Variants in MSI2 observed in about 807,000 individuals in gnomAD.
MSI2 encodes RNA-binding protein Musashi homolog 2.
Under a neutral mutation model 45.6 loss-of-function variants are expected in MSI2, and 17 were observed. The observed-to-expected ratio is 0.37, with a 90% CI of 0.26 to 0.56. The LOEUF is 0.56. Ranked by LOEUF, MSI2 falls within the 20% of genes least tolerant of loss-of-function variation. The probability of loss-of-function intolerance (pLI) is 0.77; values close to 1 mark genes in which losing one functional copy is unlikely to be tolerated. For synonymous variants in MSI2, 156 were observed against 158.2 expected (o/e 0.99, Z 0.11); for missense variants, 293 against 444.2 (o/e 0.66, Z 3.06).
At chr17:57,615,263 G>A (rs1907574651) in intron 8 of MSI2, among the ~76,000 whole-genome samples, 1 of 151,878 alleles carries the variant, frequency 6.6e-6, no homozygotes. Context: ...AGGTAGCTGG[G>A]ACTACAGGTG....
At chr17:57,553,502 C>G (rs1348689300) in intron 7 of MSI2, among the ~76,000 whole-genome samples, 1 of 152,216 alleles carries the variant, frequency 6.6e-6, no homozygotes, top group African/African-American at 2.4e-5. Context: ...TGCTTTCCCA[C>G]TTCTGCCCTG....
intron 5 of MSI2, among the ~76,000 whole-genome samples, chr17:57,379,739 C>A (rs2083566325): frequency 6.6e-6 from 1 of 152,086 alleles, no homozygotes; most frequent in African/African-American, 2.4e-5. Context: ...GGAGTGGCCC[C>A]TCGCCCTCTT....
At chr17:57,352,226 G>A (rs1290430274) in intron 5 of MSI2, among the ~76,000 whole-genome samples, 1 of 152,200 alleles carries the variant, frequency 6.6e-6, no homozygotes, top group Non-Finnish European at 1.5e-5. Flanking sequence ...CTTCTTTAGT[G>A]GTCTACTCTG....
intron 6 of MSI2, among the ~76,000 whole-genome samples, chr17:57,494,181 G>C (rs1325188751): frequency 6.6e-6 from 1 of 152,178 alleles, no homozygotes; most frequent in Non-Finnish European, 1.5e-5. Context: ...AATTCTTCTT[G>C]TTGGAGAATT....
In MSI2 at chr17:57,583,488, C is replaced by CTTTTTTTTTTTTTTTTTTTTTTTTTTT. The variant is rs5821192; in HGVS notation, c.455-13361_455-13360insTTTTTTTTTTTTTTTTTTTTTTTTTTT. Among the ~76,000 whole-genome samples, 23 of 98,018 alleles carry CTTTTTTTTTTTTTTTTTTTTTTTTTTT rather than the reference C, an allele frequency of 2.3e-4. 1 individual carries two copies. The highest frequency in any genetic ancestry group is 1.1e-3 in the East Asian group (3 of 2,836). 64.3% of individuals were successfully genotyped at this position (98,018 alleles called of 152,430 possible). ...TACTTTTTTCCTTCTCCCAATGTTT[C>CTTTTTTTTTTTTTTTTTTTTTTTTTTT]TTTTTTTTTTTTTTTTTTTGAGACA... On this transcript the variant is annotated intron_variant, in intron 7 of 13. Coordinates refer to ENST00000284073, the MANE Select transcript of MSI2 (RefSeq NM_138962.4).
chr17:57,623,968 G>A (rs1410042145), intron 9 of MSI2, among the ~76,000 whole-genome samples: 4 of 152,242 alleles, frequency 2.6e-5, no homozygotes, highest in African/African-American at 9.6e-5. Flanking sequence ...GGCAGATGCC[G>A]AATTCTCATC....
At position 57,502,474 on chromosome 17, in the gene MSI2, A is replaced by G. The variant is rs75127552; in HGVS notation, c.406-27202A>G. On this transcript the variant is annotated intron_variant, in intron 6 of 13. Coordinates refer to ENST00000284073, the MANE Select transcript of MSI2 (RefSeq NM_138962.4). ...CTTTGAAGGTGTAATGTGTGAATTG[A>G]ACTAGATAACTTTGTGAAATGGCCG... is the stretch of plus-strand genomic sequence containing the variant. Among the ~76,000 whole-genome samples the G allele has an allele frequency of 4.5e-3, 689 of 151,702 alleles. 6 individuals are homozygous for G. The highest frequency in any genetic ancestry group is 0.016 in the African/African-American group (666 of 41,352).
intron 7 of MSI2, among the ~76,000 whole-genome samples, chr17:57,543,525 A>G (rs1464582068): frequency 1.3e-5 from 2 of 151,774 alleles, no homozygotes; most frequent in East Asian, 3.8e-4. Context: ...GTGCTTACAG[A>G]TCGAGTTCTA....
intron 11 of MSI2, 101 bp from the exon 12 acceptor site, chr17:57,674,871 A>G: frequency 6.5e-7 from 1 of 1,528,684 alleles, no homozygotes; most frequent in Non-Finnish European, 8.9e-7. Flanking sequence ...TGACCGGTGC[A>G]TGCCTGGCTT....
intron 5 of MSI2, among the ~76,000 whole-genome samples, chr17:57,391,996 G>A (rs914569898): frequency 6.6e-6 from 1 of 152,210 alleles, no homozygotes. Context: ...GTGAGCACTG[G>A]GGGGCAGCGG....
intron 5 of MSI2, among the ~76,000 whole-genome samples, chr17:57,312,879 G>A (rs962127567): frequency 2.6e-5 from 4 of 152,024 alleles, no homozygotes; most frequent in African/African-American, 7.3e-5. Flanking sequence ...ACAGAGTCTC[G>A]CTCTGTTGCC....
chr17:57,584,475 C>A (rs377364068), intron 7 of MSI2, among the ~76,000 whole-genome samples: 21 of 152,250 alleles, frequency 1.4e-4, no homozygotes, highest in African/African-American at 5.1e-4. Flanking sequence ...AGGAATGACC[C>A]CCCTGTGGGG....
At chr17:57,563,775 CACACACACAT>C (rs1042247756) in intron 7 of MSI2, among the ~76,000 whole-genome samples, 12 of 150,954 alleles carry the variant, frequency 7.9e-5, no homozygotes, top group African/African-American at 2.0e-4. Context: ...CACACACACA[CACACACACAT>C]AGGCCTCTGT....
At chr17:57,582,665 C>A (rs558910130) in intron 7 of MSI2, among the ~76,000 whole-genome samples, 2 of 152,210 alleles carry the variant, frequency 1.3e-5, no homozygotes, top group Non-Finnish European at 2.9e-5. Flanking sequence ...AATTTTTCAA[C>A]CCCATCCTCC....
intron 5 of MSI2, among the ~76,000 whole-genome samples, chr17:57,327,912 A>T (rs1913939770): frequency 6.6e-6 from 1 of 152,034 alleles, no homozygotes; most frequent in Admixed American, 6.6e-5. Context: ...TCTGAGTTTG[A>T]TACTTCTTTC....
intron 7 of MSI2, among the ~76,000 whole-genome samples, chr17:57,576,104 G>A (rs1598415311): frequency 6.6e-6 from 1 of 152,320 alleles, no homozygotes; most frequent in East Asian, 1.9e-4. Flanking sequence ...GACAGACACT[G>A]TGGGAAGGCC....
intron 6 of MSI2, among the ~76,000 whole-genome samples, chr17:57,402,563 T>G (rs977364586): frequency 6.6e-6 from 1 of 152,218 alleles, no homozygotes; most frequent in African/African-American, 2.4e-5. Flanking sequence ...CTGAAGGTTC[T>G]GTGCTGTTGG....
At position 57,401,460 on chromosome 17, in the gene MSI2, C is replaced by T; in HGVS notation, c.394C>T (p.Gln132Ter). ...GGAAGATGTAAAGCAATATTTCGAG[C>T]AGTTTGGCAAGGTAAGCGCTGGATG... ...VVEDVKQYFEQFGKVEDAMLM... is the reference protein window; with the variant it reads ...VVEDVKQYFE Residue 132 changes from glutamine to a stop codon, truncating the protein, a stop_gained, in exon 6 of 14, where the codon CAG becomes TAG. Coordinates refer to ENST00000284073, the MANE Select transcript of MSI2 (RefSeq NM_138962.4). LOFTEE classifies it high-confidence loss of function. The T allele has an allele frequency of 1.2e-6, 2 of 1,614,062 alleles. No homozygotes were observed. The highest frequency in any genetic ancestry group is 8.5e-7 in the Non-Finnish European group (1 of 1,179,894).
At chr17:57,528,194 G>A (rs1454544266) in intron 6 of MSI2, among the ~76,000 whole-genome samples, 1 of 152,142 alleles carries the variant, frequency 6.6e-6, no homozygotes, top group Non-Finnish European at 1.5e-5. Flanking sequence ...GTCAGACCAG[G>A]TGCCCTCCCC....
Sources: gnomAD v4.1 joint callset for allele counts (sites outside exome capture counted in the v4.1 genomes callset) on GRCh38, gnomAD v4.1.1 for gene constraint, MANE v1.5 for transcripts, NCBI Gene and HGNC (gene_info 2026-07-23, HGNC 2026-07-21) for gene names.